CDHR2: variants seen among roughly 807,000 people sequenced by gnomAD.
The protein encoded by CDHR2 is cadherin-related family member 2.
CDHR2 carries 104 observed loss-of-function variants against 138.6 expected under a neutral mutation model. The observed-to-expected ratio is 0.75, with a 90% CI of 0.64 to 0.88. The LOEUF is 0.88. Among genes scored for constraint, CDHR2 ranks in the 40% least tolerant of loss-of-function variants. CDHR2 has a pLI of 0.00. For synonymous variants in CDHR2, 755 were observed against 742.8 expected (o/e 1.02, Z -0.27); for missense variants, 1,624 against 1,727.6 (o/e 0.94, Z 1.06).
intron 1 of CDHR2, chr5:176,542,899 G>T (rs1757484980): frequency 6.6e-6 from 1 of 152,144 alleles, no homozygotes; most frequent in Non-Finnish European, 1.5e-5. Context: ...GACGGACATG[G>T]CGAGGCCAAA....
At chr5:176,551,990 G>A (rs757005304) in intron 1 of CDHR2, among the ~76,000 whole-genome samples, 4 of 152,124 alleles carry the variant, frequency 2.6e-5, no homozygotes, top group Admixed American at 2.0e-4. Context: ...GATTACAGGC[G>A]TGAGTCACCG....
upstream of CDHR2, among the ~76,000 whole-genome samples, chr5:176,545,905 A>G (rs1462222710): frequency 6.6e-6 from 1 of 152,260 alleles, no homozygotes; most frequent in East Asian, 1.9e-4. Context: ...ATCTGGCCAC[A>G]CGTGCCTCAT....
intron 31 of CDHR2, 106 bp from the exon 32 acceptor site, chr5:176,595,426 C>T: frequency 7.6e-7 from 1 of 1,318,966 alleles, no homozygotes; most frequent in South Asian, 1.6e-5. Flanking sequence ...GGACCCCTGC[C>T]AAGGAACCAC....
intron 28 of CDHR2, among the ~76,000 whole-genome samples, 175 bp from the exon 29 acceptor site, chr5:176,591,035 C>G (rs1197216260): frequency 6.6e-6 from 1 of 152,266 alleles, no homozygotes; most frequent in African/African-American, 2.4e-5. Context: ...AGCCTTGTCA[C>G]TGGCTATTTG....
intron 30 of CDHR2, 58 bp from the exon 31 acceptor site, chr5:176,592,665 G>A: frequency 6.7e-7 from 1 of 1,482,566 alleles, no homozygotes; most frequent in Middle Eastern, 1.7e-4. Context: ...GTGGTTCTTG[G>A]GCACAGTAAG....
intron 1 of CDHR2, among the ~76,000 whole-genome samples, chr5:176,551,701 C>CTTTTTTTT (rs34996600): frequency 2.6e-5 from 3 of 114,254 alleles, no homozygotes; most frequent in East Asian, 2.7e-4. Context: ...CAAGAGTTCT[C>CTTTTTTTT]TTTTTTTTTT....
chr5:176,592,668 A>G, intron 30 of CDHR2, 55 bp from the exon 31 acceptor site: 1 of 1,495,704 alleles, frequency 6.7e-7, no homozygotes, highest in South Asian at 1.1e-5. Context: ...GTTCTTGGGC[A>G]CAGTAAGGGA....
chr5:176,573,768 A>C (rs1758289112), intron 6 of CDHR2, among the ~76,000 whole-genome samples: 1 of 152,210 alleles, frequency 6.6e-6, no homozygotes, highest in South Asian at 2.1e-4. Context: ...TGTAGAGAGC[A>C]CATGGGATGT....
intron 13 of CDHR2, 34 bp downstream of exon 13, chr5:176,577,588 C>A (rs1298797878): frequency 1.4e-5 from 22 of 1,613,644 alleles, no homozygotes; most frequent in Non-Finnish European, 1.9e-5. Context: ...GGGGCAGAAG[C>A]CGAGGGGCAC....
chr5:176,571,704 T>C (rs1007510418), intron 6 of CDHR2, among the ~76,000 whole-genome samples: 9 of 152,066 alleles, frequency 5.9e-5, no homozygotes, highest in Non-Finnish European at 1.2e-4. Flanking sequence ...GCCCGCCTAA[T>C]TTTTTGCATT....
At chr5:176,569,062 G>T (rs1421967947) in intron 5 of CDHR2, 52 bp downstream of exon 5, 11 of 1,575,830 alleles carry the variant, frequency 7.0e-6, no homozygotes, top group Non-Finnish European at 9.6e-6. Context: ...GTCCATTCCT[G>T]ATTGTGTCCC....
intron 3 of CDHR2, 60 bp downstream of exon 3, chr5:176,565,803 G>C: frequency 7.2e-7 from 1 of 1,384,628 alleles, no homozygotes; most frequent in Non-Finnish European, 1.0e-6. Flanking sequence ...AAAGTCCTGG[G>C]GTGCCCTCTG....
chr5:176,594,941 G>T (rs918713791), intron 31 of CDHR2, among the ~76,000 whole-genome samples: 4 of 152,170 alleles, frequency 2.6e-5, no homozygotes, highest in African/African-American at 9.7e-5. Context: ...CTGCAGGTGG[G>T]ACCAGCCTGT....
At chr5:176,562,932 A>G (rs1478055696) in intron 1 of CDHR2, among the ~76,000 whole-genome samples, 2 of 152,212 alleles carry the variant, frequency 1.3e-5, no homozygotes, top group African/African-American at 2.4e-5. Context: ...ATACATCAAA[A>G]GGCCTTTTTG....
At chr5:176,554,473 C>T (rs1454722275) in intron 1 of CDHR2, among the ~76,000 whole-genome samples, 1 of 152,182 alleles carries the variant, frequency 6.6e-6, no homozygotes, top group Non-Finnish European at 1.5e-5. Context: ...ACCCTCATCA[C>T]TTAGTGGGGT....
chr5:176,584,222 G>A lies in CDHR2; in HGVS notation c.2091G>A (p.Gln697=). 6.2e-7 allele frequency: 1 copy of A among 1,614,170 alleles called. No individual in the cohort carries two copies. Among genetic ancestry groups the A allele is most frequent in the Non-Finnish European group, 8.5e-7 (1 of 1,180,010 alleles). The change falls in exon 18 of 32, where the codon CAG becomes CAA. Residue 697 remains glutamine (Q), a synonymous_variant. Transcript: ENST00000261944. ...DINDNLPIFN[Q]SSYNFTVKEE... ...ATGATAACCTGCCCATCTTCAATCAGTCCAGCTACAACTTTACGGTGAAGG... is the reference window on the plus strand; with the variant it reads ...ATGATAACCTGCCCATCTTCAATCAATCCAGCTACAACTTTACGGTGAAGG...
chr5:176,574,208 C>A (rs767484383), intron 7 of CDHR2, 36 bp downstream of exon 7: 2 of 1,468,880 alleles, frequency 1.4e-6, no homozygotes, highest in South Asian at 2.3e-5. Context: ...CCTTTGTGAC[C>A]GCCAGGGGGC....
chr5:176,556,665 A>C (rs1274139027), intron 1 of CDHR2: 2 of 152,556 alleles, frequency 1.3e-5, no homozygotes, highest in Non-Finnish European at 2.9e-5. Flanking sequence ...ACTCCGTCTC[A>C]AAAAACAAAC....
intron 19 of CDHR2, among the ~76,000 whole-genome samples, chr5:176,585,456 C>T (rs1335630473): frequency 5.9e-5 from 9 of 152,204 alleles, no homozygotes; most frequent in Admixed American, 5.9e-4. Context: ...AGAATTTTTC[C>T]ACTTCCACAC....
Sources: gnomAD v4.1 joint callset for allele counts (sites outside exome capture counted in the v4.1 genomes callset) on GRCh38, gnomAD v4.1.1 for gene constraint, MANE v1.5 for transcripts, NCBI Gene and HGNC (gene_info 2026-07-23, HGNC 2026-07-21) for gene names.